GRIK4: variants seen among roughly 807,000 people sequenced by gnomAD.
The protein encoded by GRIK4 is glutamate receptor ionotropic, kainate 4.
GRIK4 carries 40 observed loss-of-function variants against 104.9 expected under a neutral mutation model. The ratio of observed to expected loss-of-function variants is 0.38; its 90% CI spans 0.30 to 0.50. GRIK4 has a LOEUF of 0.50. Among genes scored for constraint, GRIK4 ranks in the 20% least tolerant of loss-of-function variants. The probability of loss-of-function intolerance (pLI) is 0.93; values close to 1 mark genes in which losing one functional copy is unlikely to be tolerated. For synonymous variants in GRIK4, 485 were observed against 524.9 expected (o/e 0.92, Z 1.04); for missense variants, 1,047 against 1,308.1 (o/e 0.80, Z 3.08).
intron 3 of GRIK4, among the ~76,000 whole-genome samples, chr11:120,788,444 C>T (rs1952332487): frequency 6.6e-6 from 1 of 152,202 alleles, no homozygotes; most frequent in Non-Finnish European, 1.5e-5. Flanking sequence ...GGTCTGGTCA[C>T]TTTACTTCCA....
chr11:120,520,118 C>T (rs1947779336), intron 1 of GRIK4, among the ~76,000 whole-genome samples: 2 of 152,098 alleles, frequency 1.3e-5, no homozygotes, highest in African/African-American at 4.8e-5. Context: ...GTCTCAAACT[C>T]CCGGCCTCAG....
intron 1 of GRIK4, among the ~76,000 whole-genome samples, chr11:120,566,274 T>C (rs750739344): frequency 2.6e-5 from 4 of 152,218 alleles, no homozygotes; most frequent in Non-Finnish European, 4.4e-5. Context: ...TTTATTCTGC[T>C]TTTCAGAGGA....
intron 1 of GRIK4, among the ~76,000 whole-genome samples, chr11:120,627,605 C>T (rs1023304520): frequency 6.6e-6 from 1 of 152,202 alleles, no homozygotes; most frequent in African/African-American, 2.4e-5. Context: ...TTCCTGGGGC[C>T]CAGGAGGCAG....
chr11:120,643,706 C>G (rs548773592), intron 1 of GRIK4, among the ~76,000 whole-genome samples: 40 of 152,262 alleles, frequency 2.6e-4, no homozygotes, highest in African/African-American at 8.9e-4. Context: ...GGCTCTTCAT[C>G]TTTGAAGGAG....
At position 120,682,992 on chromosome 11, in the gene GRIK4, TC is replaced by T. The variant is rs141713332; in HGVS notation, c.82+22597del. Among the ~76,000 whole-genome samples the T allele has an allele frequency of 1.6e-3, 241 of 152,084 alleles. 4 individuals carry two copies. The East Asian group carries it at 0.042, about 26-fold the overall frequency. On this transcript the variant is annotated intron_variant, in intron 3 of 20. Coordinates refer to ENST00000527524, the MANE Select transcript of GRIK4 (RefSeq NM_014619.5). The stretch of plus-strand genomic sequence containing the variant: ...TCTGTGACACGCTCCCTGATACTGC[TC>T]CCCCTCTCTCTTGTTGCTTATACCC...
intron 3 of GRIK4, among the ~76,000 whole-genome samples, chr11:120,685,510 C>G (rs929651154): frequency 3.9e-5 from 6 of 152,140 alleles, no homozygotes; most frequent in Non-Finnish European, 8.8e-5. Flanking sequence ...AATAGGTACC[C>G]CCAGATGATG....
chr11:120,576,803 C>T (rs994068875), intron 1 of GRIK4, among the ~76,000 whole-genome samples: 1 of 152,148 alleles, frequency 6.6e-6, no homozygotes, highest in African/African-American at 2.4e-5. Context: ...GTTCCCAAGG[C>T]CCCTCTATGA....
In GRIK4 at chr11:120,780,273, C is replaced by A. The variant is rs1235145650; in HGVS notation, c.83-22420C>A. 4.6e-5 allele frequency among the ~76,000 whole-genome samples: 7 copies of A among 152,208 alleles called. No homozygotes were observed. In the East Asian group the frequency reaches 1.2e-3, roughly 25 times the overall value. The stretch of plus-strand genomic sequence containing the variant: ...ATCACCACTATCTATCTCCAGAATT[C>A]TTTTTGTCTTGCAAAACTGAAATTC... On this transcript the variant is annotated intron_variant, in intron 3 of 20. Transcript: ENST00000527524.
intron 3 of GRIK4, among the ~76,000 whole-genome samples, chr11:120,676,302 C>T (rs533215088): frequency 6.6e-6 from 1 of 152,326 alleles, no homozygotes; most frequent in African/African-American, 2.4e-5. Context: ...AGGATCATCT[C>T]CCTGCCTCAA....
intron 1 of GRIK4, among the ~76,000 whole-genome samples, chr11:120,521,851 C>A (rs753289752): frequency 6.6e-6 from 1 of 152,196 alleles, no homozygotes; most frequent in African/African-American, 2.4e-5. Flanking sequence ...TTATCTCCCG[C>A]GGGTGGTTAT....
chr11:120,823,318 A>C (rs1462352779), intron 6 of GRIK4, among the ~76,000 whole-genome samples: 1 of 152,222 alleles, frequency 6.6e-6, no homozygotes, highest in Non-Finnish European at 1.5e-5. Context: ...AGCATCTACT[A>C]CACACTAAGC....
Position 120,769,865 on chromosome 11 carries a change from C to G in GRIK4, c.83-32828C>G, listed in dbSNP as rs550099548. ...TGAGGCTTACAACATCTGTGTGGTGCTCCATGGTGGACAAAGCCTGCACCA... is the reference window on the plus strand; with the variant it reads ...TGAGGCTTACAACATCTGTGTGGTGGTCCATGGTGGACAAAGCCTGCACCA... On this transcript the variant is annotated intron_variant, in intron 3 of 20. Coordinates refer to ENST00000527524, the MANE Select transcript of GRIK4 (RefSeq NM_014619.5). Among the ~76,000 whole-genome samples the G allele has an allele frequency of 3.8e-4, 58 of 152,186 alleles. 1 individual carries two copies. Among genetic ancestry groups the G allele is most frequent in the Non-Finnish European group, 6.6e-4 (45 of 68,034 alleles).
chr11:120,814,285 A>G (rs1952886718), intron 4 of GRIK4, among the ~76,000 whole-genome samples: 1 of 152,190 alleles, frequency 6.6e-6, no homozygotes, highest in Non-Finnish European at 1.5e-5. Context: ...TGGGAGCCCA[A>G]GGCAGTGTTA....
chr11:120,918,575 G>T (rs1229582842), intron 13 of GRIK4, among the ~76,000 whole-genome samples: 2 of 152,156 alleles, frequency 1.3e-5, no homozygotes, highest in Non-Finnish European at 2.9e-5. Flanking sequence ...TGGGATGGGG[G>T]GGTATCTACT....
intron 3 of GRIK4, among the ~76,000 whole-genome samples, chr11:120,772,256 G>A (rs1227175838): frequency 6.6e-6 from 1 of 152,178 alleles, no homozygotes; most frequent in Non-Finnish European, 1.5e-5. Flanking sequence ...ACCTTAGAAT[G>A]AGTAATATAT....
intron 7 of GRIK4, among the ~76,000 whole-genome samples, chr11:120,835,495 T>A (rs1219746457): frequency 6.6e-6 from 1 of 151,812 alleles, no homozygotes; most frequent in African/African-American, 2.4e-5. Context: ...GCCAATGCAC[T>A]CCAGCCTGGG....
In GRIK4 at chr11:120,531,026, C is replaced by T. The variant is rs548676079; in HGVS notation, c.-159+19139C>T. Among the ~76,000 whole-genome samples, 182 of 152,300 alleles carry T rather than the reference C, an allele frequency of 1.2e-3. 1 individual carries two copies. The highest frequency in any genetic ancestry group is 4.3e-3 in the African/African-American group (178 of 41,558). On this transcript the variant is annotated intron_variant, in intron 1 of 20. Coordinates refer to ENST00000527524, the MANE Select transcript of GRIK4 (RefSeq NM_014619.5). ...TCTCTGCAGAGTGGGGGTGATGAGT[C>T]CTTCCTGGTTCCCATCATAGGCTCA...
chr11:120,674,723 C>T (rs1006129915), intron 3 of GRIK4, among the ~76,000 whole-genome samples: 32 of 152,220 alleles, frequency 2.1e-4, no homozygotes, highest in African/African-American at 7.7e-4. Flanking sequence ...GAGCTTTCAG[C>T]TCCCAGATGA....
chr11:120,783,043 T>C (rs889086988), intron 3 of GRIK4, among the ~76,000 whole-genome samples: 7 of 152,170 alleles, frequency 4.6e-5, no homozygotes, highest in Admixed American at 1.3e-4. Flanking sequence ...TACCTTCACA[T>C]TGGGGACCCC....
Sources: allele counts gnomAD v4.1 joint callset (sites outside exome capture counted in the v4.1 genomes callset), GRCh38; gene constraint gnomAD v4.1.1; transcripts MANE v1.5; gene names NCBI Gene and HGNC (gene_info 2026-07-23, HGNC 2026-07-21).